CDC14A: variants seen among roughly 807,000 people sequenced by gnomAD.
CDC14A encodes cell division cycle 14A, also known as dual specificity protein phosphatase CDC14A.
In CDC14A, 53 loss-of-function variants were observed where a neutral mutation model predicts 74.4. The observed-to-expected ratio is 0.71, with a 90% CI of 0.57 to 0.89. The LOEUF (loss-of-function observed/expected upper bound fraction) is 0.89, where lower values mean the gene tolerates loss of function less well. Ranked by LOEUF, CDC14A falls within the 40% of genes least tolerant of loss-of-function variation. The pLI, the probability that CDC14A is intolerant of heterozygous loss-of-function variation, is 0.00. For missense variants in CDC14A, 646 were observed against 713.7 expected (o/e 0.91, Z 1.08); for synonymous variants, 247 against 258.4 (o/e 0.96, Z 0.43).
intron 10 of CDC14A, among the ~76,000 whole-genome samples, chr1:100,476,223 C>T (rs1209360802): frequency 3.3e-5 from 5 of 152,216 alleles, no homozygotes; most frequent in East Asian, 1.9e-4. Context: ...GAGGCCGAGG[C>T]GGGCAGATCG....
chr1:100,351,765 C>A, upstream of CDC14A: 2 of 1,550,608 alleles, frequency 1.3e-6, no homozygotes, highest in Non-Finnish European at 1.7e-6. Context: ...AGATGGGAAA[C>A]TTTTTGTCCC....
At chr1:100,429,777 A>ATATT (rs1663433527) in intron 5 of CDC14A, among the ~76,000 whole-genome samples, 1 of 147,854 alleles carries the variant, frequency 6.8e-6, no homozygotes, top group Admixed American at 6.8e-5. Context: ...TCAAGTGTGT[A>ATATT]TATATATATA....
chr1:100,362,711 A>G (rs965447737), intron 2 of CDC14A, among the ~76,000 whole-genome samples: 4 of 152,240 alleles, frequency 2.6e-5, no homozygotes, highest in Admixed American at 1.3e-4. Context: ...AGGAGCACCA[A>G]AGAATTTTAT....
chr1:100,467,826 T>A (rs1557792625), intron 9 of CDC14A, 130 bp from the exon 10 acceptor site: 2 of 872,924 alleles, frequency 2.3e-6, no homozygotes, highest in Admixed American at 3.2e-5. Context: ...ATAGCAGTTA[T>A]GTTTATTAGC....
At chr1:100,351,207 AT>A (rs1388188084), upstream of CDC14A, among the ~76,000 whole-genome samples, 1 of 145,146 alleles carries the variant, frequency 6.9e-6, no homozygotes, top group Non-Finnish European at 1.5e-5. Context: ...CAAAACACAC[AT>A]TAAAAAAAAA....
chr1:100,402,370 T>C (rs1424474824), intron 4 of CDC14A, among the ~76,000 whole-genome samples: 1 of 152,170 alleles, frequency 6.6e-6, no homozygotes, highest in East Asian at 1.9e-4. Context: ...AGCTACAGGC[T>C]TCCAATCAAT....
intron 4 of CDC14A, among the ~76,000 whole-genome samples, chr1:100,414,753 G>A (rs1356716628): frequency 2.0e-5 from 3 of 152,116 alleles, no homozygotes; most frequent in Non-Finnish European, 4.4e-5. Flanking sequence ...AATGATAAAT[G>A]TTCTACAGGG....
intron 10 of CDC14A, among the ~76,000 whole-genome samples, chr1:100,474,622 A>T (rs376702805): frequency 2.7e-5 from 3 of 112,054 alleles, no homozygotes; most frequent in African/African-American, 6.3e-5. Context: ...TTTTTTTTTT[A>T]AAGTATTCCT....
intron 4 of CDC14A, among the ~76,000 whole-genome samples, chr1:100,411,773 AAG>A (rs777436726): frequency 6.6e-5 from 10 of 152,346 alleles, no homozygotes; most frequent in Non-Finnish European, 1.2e-4. Context: ...GGTAATGGAC[AAG>A]AGAGAGAAAA....
Position 100,497,606 on chromosome 1 carries a change from T to C in CDC14A, c.1299-479T>C, listed in dbSNP as rs1206574266. 2.0e-5 allele frequency among the ~76,000 whole-genome samples: 3 copies of C among 152,072 alleles called. No homozygotes were observed. In the South Asian group the frequency reaches 6.2e-4, roughly 32 times the overall value. On this transcript the variant is annotated intron_variant, in intron 13 of 15. Transcript: ENST00000336454. ...GAAATAAAGATGGCCTCGCCTAGGG[T>C]AGTTTGCAGGGTGAAAAGAAGAGGA...
intron 5 of CDC14A, among the ~76,000 whole-genome samples, chr1:100,432,884 T>C (rs1205145414): frequency 6.6e-6 from 1 of 152,146 alleles, no homozygotes; most frequent in Non-Finnish European, 1.5e-5. Flanking sequence ...CTATATACTT[T>C]CTCCTTTATT....
chr1:100,422,907 C>T (rs779705001), intron 4 of CDC14A, among the ~76,000 whole-genome samples: 6 of 152,000 alleles, frequency 3.9e-5, no homozygotes, highest in Non-Finnish European at 8.8e-5. Context: ...CAAAGAAGGT[C>T]TGTAAGTAGA....
chr1:100,421,700 T>C (rs1315854307), intron 4 of CDC14A, among the ~76,000 whole-genome samples: 2 of 152,230 alleles, frequency 1.3e-5, no homozygotes, highest in East Asian at 1.9e-4. Flanking sequence ...CAGGCAGATA[T>C]GATGAAATTG....
At chr1:100,393,571 T>A (rs1658014856) in intron 4 of CDC14A, 1 of 731,738 alleles carries the variant, frequency 1.4e-6, no homozygotes, top group Non-Finnish European at 2.6e-6. Context: ...TAGTTCATAG[T>A]AGGTTGGTAT....
chr1:100,494,970 C>T (rs761911357), intron 12 of CDC14A, 40 bp downstream of exon 12: 2 of 1,036,798 alleles, frequency 1.9e-6, no homozygotes, highest in African/African-American at 3.2e-5. Flanking sequence ...AGTGTGCTTC[C>T]CTTTGTGAAT....
chr1:100,385,828 A>T (rs1041163913), intron 3 of CDC14A, among the ~76,000 whole-genome samples: 12 of 152,180 alleles, frequency 7.9e-5, no homozygotes, highest in African/African-American at 2.9e-4. Flanking sequence ...GTGAGCAATA[A>T]ATGCGAGCTG....
intron 15 of CDC14A, chr1:100,499,612 G>A (rs1648467918): frequency 1.4e-5 from 8 of 588,280 alleles, no homozygotes; most frequent in Non-Finnish European, 2.2e-5. Flanking sequence ...CTGAATATCT[G>A]GTGCTAAGCC....
chr1:100,483,952 T>G (rs773659611), intron 10 of CDC14A, among the ~76,000 whole-genome samples: 1 of 152,176 alleles, frequency 6.6e-6, no homozygotes, highest in African/African-American at 2.4e-5. Context: ...AAATTGCTAT[T>G]TGAGAAATTG....
intron 11 of CDC14A, 81 bp from the exon 12 acceptor site, chr1:100,494,737 T>G (rs1647522031): frequency 1.5e-6 from 1 of 673,454 alleles, no homozygotes; most frequent in South Asian, 1.8e-5. Context: ...CTGTATAAAA[T>G]GTATCTATAT....
Sources: allele counts gnomAD v4.1 joint callset (sites outside exome capture counted in the v4.1 genomes callset), GRCh38; gene constraint gnomAD v4.1.1; transcripts MANE v1.5; gene names NCBI Gene and HGNC (gene_info 2026-07-23, HGNC 2026-07-21).